The following ZBTB25 variants were observed in gnomAD, a reference collection of about 807,000 sequenced individuals.
ZBTB25 encodes the protein zinc finger and BTB domain-containing protein 25.
ZBTB25 carries 20 observed loss-of-function variants against 34.2 expected under a neutral mutation model. The observed-to-expected ratio is 0.58, with a 90% CI of 0.41 to 0.85. The LOEUF (loss-of-function observed/expected upper bound fraction) is 0.85, where lower values mean the gene tolerates loss of function less well. Among genes scored for constraint, ZBTB25 ranks in the 40% least tolerant of loss-of-function variants. The pLI is 0.00. For synonymous variants in ZBTB25, 175 were observed against 186.4 expected, an observed-to-expected ratio of 0.94 and a Z score of 0.50; for missense variants, 437 against 521.8, an observed-to-expected ratio of 0.84 and a Z score of 1.58.
chr14:64,491,561 G>A (rs1001539865), intron 1 of ZBTB25, among the ~76,000 whole-genome samples: 4 of 152,172 alleles, frequency 2.6e-5, no homozygotes, highest in Admixed American at 2.6e-4. Flanking sequence ...AGGCAAGGTG[G>A]AACAACTGCG....
At position 64,479,910 on chromosome 14, in the gene ZBTB25, A is replaced by T. The variant is rs1401205256; in HGVS notation, c.*7013T>A. ...ATCAATCAATCTCTTTCTCTCTCTC[A>T]GTTCTACCTGTTGTTTCTTTCTTTT... On this transcript the variant is annotated 3_prime_UTR_variant, in exon 3 of 3. Coordinates refer to ENST00000608382, the MANE Select transcript of ZBTB25 (RefSeq NM_006977.5). The T allele has an allele frequency of 1.3e-5, 2 of 152,414 alleles. No individual in the cohort carries two copies. The highest frequency in any genetic ancestry group is 2.4e-5 in the African/African-American group (1 of 41,440). 9.4% of individuals were successfully genotyped at this position (152,414 alleles called of 1,614,324 possible).
Position 64,480,621 on chromosome 14 carries a change from G to C in ZBTB25, c.*6302C>G, listed in dbSNP as rs371184153. Reference sequence around the variant, plus strand: ...AAGCTAAGCTAATAAACTTGTTTTTGATTAAGTCACATTAATTTGTCTTGA... The same window carrying C: ...AAGCTAAGCTAATAAACTTGTTTTTCATTAAGTCACATTAATTTGTCTTGA... On this transcript the variant is annotated 3_prime_UTR_variant, in exon 3 of 3. Coordinates refer to ENST00000608382, the MANE Select transcript of ZBTB25 (RefSeq NM_006977.5). 24 of 159,746 alleles carry C rather than the reference G, an allele frequency of 1.5e-4. No individual in the cohort carries two copies. In the South Asian group the frequency reaches 3.5e-3, roughly 23 times the overall value. The allele number at this position is 159,746 out of a possible 1,614,324, so 9.9% of individuals were successfully genotyped here.
chr14:64,492,472 C>T (rs1379705809), intron 1 of ZBTB25, among the ~76,000 whole-genome samples: 1 of 151,954 alleles, frequency 6.6e-6, no homozygotes. Context: ...CTCCTAAAGG[C>T]ATGAGCCACC....
At chr14:64,496,228 T>C (rs980425406) in intron 1 of ZBTB25, among the ~76,000 whole-genome samples, 1 of 152,108 alleles carries the variant, frequency 6.6e-6, no homozygotes, top group African/African-American at 2.4e-5. Flanking sequence ...CTCACGCCTG[T>C]AATCCCAGCA....
rs539169402 is a variant in ZBTB25, at chr14:64,449,787, A to G, written c.174-149T>C. ...CCACAGCCTGGACTCCCAGCTGTAG[A>G]CAGCCTTCTTTTTATTTTTGAGACG... On this transcript the variant is annotated intron_variant, in intron 2 of 2. Transcript: ENST00000555220. 470 of 815,176 alleles carry G rather than the reference A, an allele frequency of 5.8e-4. No homozygotes were observed. The African/African-American group carries it at 6.9e-3, about 12-fold the overall frequency. The allele number at this position is 815,176 out of a possible 1,614,324, so 50.5% of individuals were successfully genotyped here. A position where few individuals can be genotyped will look rare whatever the true frequency, so the allele number is the denominator to read the frequency against.
In ZBTB25 at chr14:64,483,044, GTC is replaced by G. The variant is rs1258942946; in HGVS notation, c.*3877_*3878del. 6 of 152,178 alleles carry G rather than the reference GTC, an allele frequency of 3.9e-5. No homozygotes were observed. Among genetic ancestry groups the G allele is most frequent in the African/African-American group, 1.4e-4 (6 of 41,446 alleles). 9.4% of individuals were successfully genotyped at this position (152,178 alleles called of 1,614,324 possible). The stretch of plus-strand genomic sequence containing the variant: ...GCTAATAAGAACAAATACTAAAACA[GTC>G]TCTATTTTTCTCCAGAAAACAACTG... On this transcript the variant is annotated 3_prime_UTR_variant, in exon 3 of 3. Coordinates refer to ENST00000608382, the MANE Select transcript of ZBTB25 (RefSeq NM_006977.5).
intron 2 of ZBTB25, among the ~76,000 whole-genome samples, chr14:64,454,116 AG>A (rs2078424374): frequency 6.6e-6 from 1 of 152,086 alleles, no homozygotes; most frequent in Admixed American, 6.6e-5. Context: ...GAACGTCTCC[AG>A]TTTTTGTTAT....
Position 64,479,247 on chromosome 14 carries a change from T to C in ZBTB25, c.*7676A>G, listed in dbSNP as rs1462847659. On this transcript the variant is annotated 3_prime_UTR_variant, in exon 3 of 3. Transcript: ENST00000608382. ...CAGAAGGGTTGGTCAACCTCAGCTC[T>C]AATGACATTTTGAGGTACATATTCT... 6.6e-6 allele frequency: 1 copy of C among 152,200 alleles called. No individual in the cohort carries two copies. Among genetic ancestry groups the C allele is most frequent in the Admixed American group, 6.5e-5 (1 of 15,272 alleles). The allele number at this position is 152,200 out of a possible 1,614,324, so 9.4% of individuals were successfully genotyped here.
chr14:64,453,998 T>C, intron 2 of ZBTB25: 2 of 698,930 alleles, frequency 2.9e-6, no homozygotes, highest in Non-Finnish European at 5.3e-6. Flanking sequence ...TCTGAAATAC[T>C]GAGTTTGGAT....
chr14:64,503,288 T>C, intron 1 of ZBTB25: 3 of 985,368 alleles, frequency 3.0e-6, no homozygotes, highest in Non-Finnish European at 3.6e-6. Context: ...CGCCCGCTCG[T>C]AAGAGGGGTC....
At chr14:64,475,887 C>T (rs537582636), downstream of ZBTB25, among the ~76,000 whole-genome samples, 1 of 152,192 alleles carries the variant, frequency 6.6e-6, no homozygotes, top group Non-Finnish European at 1.5e-5. Flanking sequence ...GATGCACTTT[C>T]CCCACCACTT....
chr14:64,501,965 T>A (rs114600965), intron 1 of ZBTB25, among the ~76,000 whole-genome samples: 1 of 152,226 alleles, frequency 6.6e-6, no homozygotes, highest in Non-Finnish European at 1.5e-5. Flanking sequence ...GAGCAAGATA[T>A]AATGCAAAAC....
intron 2 of ZBTB25, chr14:64,468,263 G>A (rs1233272389): frequency 5.1e-6 from 4 of 786,718 alleles, no homozygotes; most frequent in African/African-American, 1.8e-5. Flanking sequence ...ACTGTATGGA[G>A]TAAGATGAAA....
intron 2 of ZBTB25, chr14:64,463,093 C>T (rs1011952375): frequency 6.6e-6 from 1 of 151,972 alleles, no homozygotes; most frequent in Admixed American, 6.6e-5. Flanking sequence ...TAGCCTATTT[C>T]CTGTTATATA....
At chr14:64,476,735 T>TA (rs148010898), downstream of ZBTB25, among the ~76,000 whole-genome samples, 2,571 of 149,724 alleles carry the variant, frequency 0.017, 80 homozygotes, top group East Asian at 0.16. Flanking sequence ...TCAATTCAGG[T>TA]AAAAAAAAAA....
At chr14:64,493,946 G>A (rs1403607435) in intron 1 of ZBTB25, among the ~76,000 whole-genome samples, 1 of 152,104 alleles carries the variant, frequency 6.6e-6, no homozygotes, top group Non-Finnish European at 1.5e-5. Flanking sequence ...GTGATCAGCG[G>A]GGACAAGAAG....
intron 1 of ZBTB25, among the ~76,000 whole-genome samples, chr14:64,493,967 C>T (rs1224314428): frequency 1.3e-5 from 2 of 151,926 alleles, no homozygotes; most frequent in African/African-American, 4.8e-5. Flanking sequence ...CAGGACAGGG[C>T]TCTAGAGAGA....
intron 1 of ZBTB25, among the ~76,000 whole-genome samples, chr14:64,495,276 C>T (rs1386712124): frequency 6.6e-6 from 1 of 152,186 alleles, no homozygotes; most frequent in African/African-American, 2.4e-5. Flanking sequence ...TTCTGCCTCC[C>T]CTATGGTGGA....
In ZBTB25 at chr14:64,498,477, A is replaced by G. The variant is rs2079360875; in HGVS notation, c.-8+5184T>C. On this transcript the variant is annotated intron_variant, in intron 1 of 2. Coordinates refer to ENST00000608382, the MANE Select transcript of ZBTB25 (RefSeq NM_006977.5). ...TACAGGTGCCCATCACGCCTGGCTA[A>G]TTTTTATATTTTTAGTAGAGATGGG... Among the ~76,000 whole-genome samples the G allele has an allele frequency of 1.3e-5, 2 of 150,684 alleles. 1 individual carries two copies. Among genetic ancestry groups the G allele is most frequent in the South Asian group, 4.2e-4 (2 of 4,768 alleles).
Sources: allele counts gnomAD v4.1 joint callset (sites outside exome capture counted in the v4.1 genomes callset), GRCh38; gene constraint gnomAD v4.1.1; transcripts MANE v1.5; gene names NCBI Gene and HGNC (gene_info 2026-07-23, HGNC 2026-07-21).